The following CERT1 variants were observed in gnomAD, a reference collection of about 807,000 sequenced individuals.
The protein encoded by CERT1 is ceramide transporter 1, also known as ceramide transfer protein.
CERT1 carries 31 observed loss-of-function variants against 87.9 expected under a neutral mutation model. The observed-to-expected ratio is 0.35, with a 90% CI of 0.27 to 0.48. The LOEUF is 0.48. CERT1 is among the 20% of genes least tolerant of loss of function. The probability of loss-of-function intolerance (pLI) is 0.99; values close to 1 mark genes in which losing one functional copy is unlikely to be tolerated. For synonymous variants in CERT1, 289 were observed against 250.9 expected (o/e 1.15, Z -1.44); for missense variants, 487 against 758.0 (o/e 0.64, Z 4.20).
At chr5:75,402,481 T>C (rs1404000750) in intron 9 of CERT1, 1 of 152,190 alleles carries the variant, frequency 6.6e-6, no homozygotes, top group Non-Finnish European at 1.5e-5. Flanking sequence ...GAAATTCACA[T>C]ATAAAGGAAC....
At chr5:75,425,785 T>A (rs923570462) in intron 4 of CERT1, among the ~76,000 whole-genome samples, 1 of 152,232 alleles carries the variant, frequency 6.6e-6, no homozygotes, top group African/African-American at 2.4e-5. Flanking sequence ...ACCTGACAGT[T>A]TGCAAATATA....
chr5:75,375,567 G>T (rs1761262602), downstream of CERT1: 1 of 146,936 alleles, frequency 6.8e-6, no homozygotes, highest in Non-Finnish European at 1.5e-5. Flanking sequence ...GGCGACAGGA[G>T]TGAGATGCTG....
intron 12 of CERT1, among the ~76,000 whole-genome samples, chr5:75,386,641 T>C (rs1580698756): frequency 6.6e-6 from 1 of 152,214 alleles, no homozygotes; most frequent in African/African-American, 2.4e-5. Flanking sequence ...AAATGAAACA[T>C]GTCATCATGG....
chr5:75,457,052 G>T (rs1031513482), intron 3 of CERT1, among the ~76,000 whole-genome samples: 5 of 152,136 alleles, frequency 3.3e-5, no homozygotes, highest in Non-Finnish European at 5.9e-5. Flanking sequence ...TAAAAATATA[G>T]AAATTAATTC....
chr5:75,389,671 T>G lies in CERT1; in HGVS notation c.1205A>C (p.Gln402Pro), dbSNP rs1456253165. The change falls in exon 12 of 17, where the codon CAG becomes CCG. Residue 402 changes from glutamine (Q) to proline (P), a missense_variant. Coordinates refer to ENST00000643780, the MANE Select transcript of CERT1 (RefSeq NM_001379029.1). ...RFSSQVEEMV[Q>P]NHMTYSLQDV... ...CTGTAATGAGTAAGTCATGTGGTTC[T>G]GCACCATCTCTTCAACCTTGAGAAG... is the stretch of plus-strand genomic sequence containing the variant. The G allele has an allele frequency of 6.2e-7, 1 of 1,613,966 alleles. No homozygotes were observed. Among genetic ancestry groups the G allele is most frequent in the Non-Finnish European group, 8.5e-7 (1 of 1,179,836 alleles).
chr5:75,393,897 G>A (rs534125651), intron 11 of CERT1, among the ~76,000 whole-genome samples: 156 of 151,944 alleles, frequency 1.0e-3, no homozygotes, highest in African/African-American at 3.5e-3. Context: ...CCCGGGAGGC[G>A]GAGGGTGCAG....
chr5:75,472,106 T>C (rs1765739008), intron 2 of CERT1, among the ~76,000 whole-genome samples: 1 of 151,626 alleles, frequency 6.6e-6, no homozygotes, highest in Admixed American at 6.6e-5. Flanking sequence ...TAGAATAGAG[T>C]CCAGAAATAA....
Position 75,511,283 on chromosome 5 carries a change from T to A in CERT1, c.-76A>T, listed in dbSNP as rs1230788194. The A allele has an allele frequency of 1.9e-6, 3 of 1,577,956 alleles. No individual in the cohort carries two copies. Among genetic ancestry groups the A allele is most frequent in the Non-Finnish European group, 2.6e-6 (3 of 1,162,164 alleles). ...CGGAGGAGGCGCCCAGTCCTCGGGG[T>A]GAAGGGTCGGGGGATGGCGAAGCGA... On this transcript the variant is annotated 5_prime_UTR_variant, in exon 1 of 17. Coordinates refer to ENST00000643780, the MANE Select transcript of CERT1 (RefSeq NM_001379029.1).
intron 3 of CERT1, among the ~76,000 whole-genome samples, chr5:75,440,575 T>TA: frequency 6.6e-6 from 1 of 152,130 alleles, no homozygotes; most frequent in East Asian, 1.9e-4. Context: ...GAACATGCGA[T>TA]AAACTTTCCT....
chr5:75,458,702 C>T (rs1192049291), intron 3 of CERT1, among the ~76,000 whole-genome samples: 1 of 152,020 alleles, frequency 6.6e-6, no homozygotes, highest in Non-Finnish European at 1.5e-5. Context: ...CAGGTGCTCA[C>T]CACTAAGCAC....
At chr5:75,434,549 A>G (rs914147489) in intron 3 of CERT1, among the ~76,000 whole-genome samples, 2 of 151,954 alleles carry the variant, frequency 1.3e-5, no homozygotes, top group African/African-American at 4.8e-5. Flanking sequence ...TTCCGGAATA[A>G]TTTCAGTAGC....
chr5:75,426,878 T>A (rs944545889), intron 3 of CERT1, among the ~76,000 whole-genome samples: 3 of 152,214 alleles, frequency 2.0e-5, no homozygotes, highest in Non-Finnish European at 4.4e-5. Context: ...TGAACAATAG[T>A]GTGAATGTAC....
chr5:75,408,876 G>C (rs10515195), intron 8 of CERT1, among the ~76,000 whole-genome samples: 11,901 of 151,754 alleles, frequency 0.078, 560 homozygotes, highest in South Asian at 0.17. Context: ...ACTAGTAAAT[G>C]CATGTACCTA....
chr5:75,425,389 G>C lies in CERT1; in HGVS notation c.567C>G (p.Val189=). 6.2e-7 allele frequency: 1 copy of C among 1,613,976 alleles called. No individual in the cohort carries two copies. The highest frequency in any genetic ancestry group is 8.5e-7 in the Non-Finnish European group (1 of 1,179,910). The change falls in exon 5 of 17, where the codon GTC becomes GTG. Residue 189 remains valine, a synonymous_variant. Coordinates refer to ENST00000643780, the MANE Select transcript of CERT1 (RefSeq NM_001379029.1). ...TATCCCTTTGAAGTTCATCCTTAGA[G>C]ACAGCATCAGCACAGGCATCAAAGT... ...QKYFDACADA[V]SKDELQRDKV... is the part of the protein sequence containing the mutation.
At position 75,379,016 on chromosome 5, in the gene CERT1, C is replaced by T. The variant is rs1023377626; in HGVS notation, c.*330G>A. On this transcript the variant is annotated 3_prime_UTR_variant, in exon 17 of 17. Coordinates refer to ENST00000643780, the MANE Select transcript of CERT1 (RefSeq NM_001379029.1). ...TAACATAGCAAGACCCCTATCTCTA[C>T]AAAAAATAAAAAATTAGCTGAGCAT... 5.4e-6 allele frequency: 1 copy of T among 185,472 alleles called. No homozygotes were observed. 11.5% of individuals were successfully genotyped at this position (185,472 alleles called of 1,614,324 possible). A position where few individuals can be genotyped will look rare whatever the true frequency, so the allele number is the denominator to read the frequency against.
intron 7 of CERT1, among the ~76,000 whole-genome samples, chr5:75,414,004 A>T (rs1763036700): frequency 6.6e-6 from 1 of 152,230 alleles, no homozygotes; most frequent in Admixed American, 6.5e-5. Context: ...ACAGGAAAAT[A>T]GATAAGCAAA....
intron 11 of CERT1, among the ~76,000 whole-genome samples, chr5:75,396,501 C>A (rs2112066242): frequency 6.6e-6 from 1 of 151,906 alleles, no homozygotes; most frequent in East Asian, 1.9e-4. Flanking sequence ...CCGAGGCGGG[C>A]AGATCACCTG....
intron 3 of CERT1, among the ~76,000 whole-genome samples, chr5:75,436,774 T>C (rs1033077057): frequency 1.3e-5 from 2 of 152,120 alleles, no homozygotes; most frequent in African/African-American, 4.8e-5. Flanking sequence ...TTTGAATATA[T>C]ATGTTTTTTC....
chr5:75,444,480 A>AT (rs1289143899), intron 3 of CERT1, among the ~76,000 whole-genome samples: 2 of 148,148 alleles, frequency 1.3e-5, no homozygotes, highest in East Asian at 3.9e-4. Context: ...CCTTATTAGT[A>AT]TTTTTGTCCC....
Sources: allele counts gnomAD v4.1 joint callset (sites outside exome capture counted in the v4.1 genomes callset), GRCh38; gene constraint gnomAD v4.1.1; transcripts MANE v1.5; gene names NCBI Gene and HGNC (gene_info 2026-07-23, HGNC 2026-07-21).